The following CALM2 variants were observed in gnomAD, a reference collection of about 807,000 sequenced individuals.
CALM2 encodes calmodulin-2.
A neutral mutation model predicts 19.8 loss-of-function variants in CALM2; 2 were observed. The observed-to-expected ratio is 0.10, with a 90% CI of 0.04 to 0.32. CALM2 has a LOEUF of 0.32. Ranked by LOEUF, CALM2 falls within the 10% of genes least tolerant of loss-of-function variation. The pLI is 1.00. For synonymous variants in CALM2, 51 were observed against 52.1 expected, an observed-to-expected ratio of 0.98 and a Z score of 0.09; for missense variants, 38 against 178.7, an observed-to-expected ratio of 0.21 and a Z score of 4.49.
In CALM2 at chr2:47,161,964, C is replaced by G; in HGVS notation, c.286-106G>C. 6 of 919,586 alleles carry G rather than the reference C, an allele frequency of 6.5e-6. No individual in the cohort carries two copies. In the South Asian group the frequency reaches 9.8e-5, roughly 15 times the overall value. 57.0% of individuals were successfully genotyped at this position (919,586 alleles called of 1,614,324 possible). A position where few individuals can be genotyped will look rare whatever the true frequency, so the allele number is the denominator to read the frequency against. On this transcript the variant is annotated intron_variant, in intron 4 of 5. Coordinates refer to ENST00000272298, the MANE Select transcript of CALM2 (RefSeq NM_001743.6). ...AATTTCACATTGGGGGAAAAACATA[C>G]TTTAGAAATGCATACAAATCTACAC...
intron 1 of CALM2, chr2:47,173,363 A>G (rs144752272): frequency 6.6e-6 from 1 of 152,280 alleles, no homozygotes; most frequent in East Asian, 1.9e-4. Flanking sequence ...TAGAGAGATG[A>G]CTTGTTCTTA....
upstream of CALM2, chr2:47,176,870 C>T (rs1054340798): frequency 1.0e-6 from 1 of 985,410 alleles, no homozygotes; most frequent in Non-Finnish European, 1.2e-6. Flanking sequence ...CACTGGGACT[C>T]GCAGCCGCCG....
intron 1 of CALM2, chr2:47,171,154 T>C (rs999161359): frequency 3.0e-5 from 5 of 168,952 alleles, no homozygotes; most frequent in African/African-American, 7.3e-5. Flanking sequence ...GTTAAACACA[T>C]TGTTTTGAAA....
intron 2 of CALM2, among the ~76,000 whole-genome samples, chr2:47,166,210 T>C (rs543656448): frequency 5.9e-5 from 9 of 152,306 alleles, no homozygotes; most frequent in Admixed American, 4.6e-4. Context: ...TGTAGAAATA[T>C]CTAGAAATAC....
Position 47,172,603 on chromosome 2 carries a change from T to G in CALM2, c.4-1839A>C, listed in dbSNP as rs185809678. ...AGCCCTTTATGGTAAGCTTACTCTA[T>G]TCAATGTTAACTTTGTTTAAGCTGA... On this transcript the variant is annotated intron_variant, in intron 1 of 5. Transcript: ENST00000272298. 2.9e-4 allele frequency: 130 copies of G among 450,510 alleles called. No homozygotes were observed. The Middle Eastern group carries it at 3.7e-3, about 13-fold the overall frequency. 27.9% of individuals were successfully genotyped at this position (450,510 alleles called of 1,614,324 possible).
At chr2:47,168,837 G>A (rs1198193850) in intron 2 of CALM2, among the ~76,000 whole-genome samples, 3 of 151,868 alleles carry the variant, frequency 2.0e-5, no homozygotes, top group African/African-American at 2.4e-5. Context: ...GAGTGCAGTG[G>A]CATGATCTTG....
chr2:47,173,945 C>G (rs1666761854), intron 1 of CALM2: 1 of 152,130 alleles, frequency 6.6e-6, no homozygotes, highest in African/African-American at 2.4e-5. Flanking sequence ...AAAATTAGGG[C>G]TATTACTAAA....
At chr2:47,162,239 A>C in intron 4 of CALM2, 47 bp downstream of exon 4, 37 of 813,100 alleles carry the variant, frequency 4.6e-5, no homozygotes, top group Non-Finnish European at 6.5e-5. Flanking sequence ...GAGTCCTGGT[A>C]TCTTCATTTC....
intron 1 of CALM2, 92 bp downstream of exon 1, chr2:47,176,349 G>GT: frequency 1.3e-6 from 2 of 1,489,286 alleles, no homozygotes; most frequent in Non-Finnish European, 1.8e-6. Context: ...CTCCTTGAAG[G>GT]TGTAAGGGAG....
Position 47,160,484 on chromosome 2 carries a change from C to A in CALM2, c.*292G>T. The A allele has an allele frequency of 3.5e-6, 1 of 285,090 alleles. No individual in the cohort carries two copies. Among genetic ancestry groups the A allele is most frequent in the Non-Finnish European group, 6.5e-6 (1 of 153,010 alleles). The allele number at this position is 285,090 out of a possible 1,614,324, so 17.7% of individuals were successfully genotyped here. A position where few individuals can be genotyped will look rare whatever the true frequency, so the allele number is the denominator to read the frequency against. ...GAAAACTACTTTAAAAAAGGCATAA[C>A]CCAGATGTTCCCTCATTTGACCAAC... On this transcript the variant is annotated 3_prime_UTR_variant, in exon 6 of 6. Coordinates refer to ENST00000272298, the MANE Select transcript of CALM2 (RefSeq NM_001743.6).
rs1216561628 is a variant in CALM2, at chr2:47,162,395, G to A, written c.179-3C>T. On this transcript the variant is annotated splice_region_variant and splice_polypyrimidine_tract_variant and intron_variant, in intron 3 of 5. Coordinates refer to ENST00000272298, the MANE Select transcript of CALM2 (RefSeq NM_001743.6). The stretch of plus-strand genomic sequence containing the variant: ...AGGGAAGTCAATTGTGCCATTACCT[G>A]AAATGGTTTAGTGGAAACATCAAAG... 1.9e-6 allele frequency: 3 copies of A among 1,608,462 alleles called. No homozygotes were observed. Among genetic ancestry groups the A allele is most frequent in the East Asian group, 4.5e-5 (2 of 44,832 alleles).
intron 2 of CALM2, among the ~76,000 whole-genome samples, chr2:47,166,405 A>G (rs889399933): frequency 4.6e-5 from 7 of 152,238 alleles, no homozygotes; most frequent in African/African-American, 1.7e-4. Flanking sequence ...GATTTAACAA[A>G]AAGCTAAATA....
chr2:47,176,883 G>C (rs1037154880), upstream of CALM2: 5 of 985,364 alleles, frequency 5.1e-6, no homozygotes, highest in South Asian at 4.7e-5. Context: ...AGCCGCCGCC[G>C]GGACGCGGTG....
At chr2:47,173,283 A>G (rs1404147574) in intron 1 of CALM2, 1 of 152,212 alleles carries the variant, frequency 6.6e-6, no homozygotes, top group Non-Finnish European at 1.5e-5. Flanking sequence ...AACCAGAAGA[A>G]TTATACTTTT....
intron 5 of CALM2, 104 bp downstream of exon 5, chr2:47,161,619 C>A: frequency 7.1e-6 from 7 of 980,660 alleles, no homozygotes; most frequent in Admixed American, 2.8e-5. Flanking sequence ...TTTTAGCAAC[C>A]TAATTTCAGG....
chr2:47,166,063 C>G (rs899144152), intron 2 of CALM2, among the ~76,000 whole-genome samples: 2 of 152,120 alleles, frequency 1.3e-5, no homozygotes, highest in Non-Finnish European at 2.9e-5. Flanking sequence ...AAGGTTCATA[C>G]CACACTAATT....
chr2:47,169,295 T>TA lies in CALM2; in HGVS notation c.34+1438dup, dbSNP rs150904805. On this transcript the variant is annotated intron_variant, in intron 2 of 5. Coordinates refer to ENST00000272298, the MANE Select transcript of CALM2 (RefSeq NM_001743.6). ...ATTTGGGAAGGAGACAGTATATTTA[T>TA]AAAAAAAACTACTTCAGAAAAACAT... 9.6e-3 allele frequency among the ~76,000 whole-genome samples: 1,459 copies of TA among 152,042 alleles called. 21 individuals are homozygous for TA. Among genetic ancestry groups the TA allele is most frequent in the African/African-American group, 0.034 (1,396 of 41,468 alleles).
intron 3 of CALM2, 22 bp downstream of exon 3, chr2:47,162,497 C>T: frequency 1.2e-6 from 2 of 1,613,926 alleles, no homozygotes; most frequent in Non-Finnish European, 1.7e-6. Flanking sequence ...CCCCTCCCAG[C>T]CCCACAAAAT....
rs752149020 is a variant in CALM2 at position 47,176,459 on chromosome 2, G to A, written c.-16C>T. The A allele has an allele frequency of 2.0e-5, 33 of 1,613,708 alleles. No homozygotes were observed. The highest frequency in any genetic ancestry group is 2.7e-5 in the Non-Finnish European group (32 of 1,179,970). ...CACTCACCATGCTGCAAGCGCTACCGGTTTCCGAGACGCGACCACACAACC... is the reference window on the plus strand; with the variant it reads ...CACTCACCATGCTGCAAGCGCTACCAGTTTCCGAGACGCGACCACACAACC... On this transcript the variant is annotated 5_prime_UTR_variant, in exon 1 of 6. Transcript: ENST00000272298.
Sources: allele counts gnomAD v4.1 joint callset (sites outside exome capture counted in the v4.1 genomes callset), GRCh38; gene constraint gnomAD v4.1.1; transcripts MANE v1.5; gene names NCBI Gene and HGNC (gene_info 2026-07-23, HGNC 2026-07-21).